Variants in TRIP11 observed in about 807,000 individuals in gnomAD.
TRIP11 encodes thyroid hormone receptor interactor 11.
In TRIP11, 148 loss-of-function variants were observed where a neutral mutation model predicts 223.1. That is an observed-to-expected ratio of 0.66 (90% CI 0.58 to 0.76). The LOEUF is 0.76. TRIP11 is among the 30% of genes least tolerant of loss of function. The pLI is 0.00. For missense variants in TRIP11, 2,043 were observed against 2,222.0 expected (o/e 0.92, Z 1.62); for synonymous variants, 762 against 772.6 (o/e 0.99, Z 0.23).
Position 91,972,865 on chromosome 14 carries a change from A to C in TRIP11, c.5575-4T>G. On this transcript the variant is annotated splice_polypyrimidine_tract_variant and splice_region_variant and intron_variant, in intron 19 of 20. Coordinates refer to ENST00000267622, the MANE Select transcript of TRIP11 (RefSeq NM_004239.4). ...TAACAAAAAGTTCTGAAAAAGACTA[A>C]GAAAAAATATTTTGGTTATATTAGG... 2 of 1,608,848 alleles carry C rather than the reference A, an allele frequency of 1.2e-6. 1 individual carries two copies. Among genetic ancestry groups the C allele is most frequent in the South Asian group, 2.2e-5 (2 of 90,666 alleles).
chr14:92,011,483 CAAAAAAAAAAAAA>C lies in TRIP11; in HGVS notation c.1227+259_1227+271del, dbSNP rs200967942. ...TGGGTGACAGAGCAAGACTCCGTCTCAAAAAAAAAAAAAAAAAAAAAAAAAAGAATGCAACACT... is the reference window on the plus strand; with the variant it reads ...TGGGTGACAGAGCAAGACTCCGTCTCAAAAAAAAAAAAAGAATGCAACACT... On this transcript the variant is annotated intron_variant, in intron 8 of 20. Coordinates refer to ENST00000267622, the MANE Select transcript of TRIP11 (RefSeq NM_004239.4). Among the ~76,000 whole-genome samples, 2,583 of 42,546 alleles carry C rather than the reference CAAAAAAAAAAAAA, an allele frequency of 0.061. 71 individuals carry two copies. The highest frequency in any genetic ancestry group is 0.31 in the South Asian group (371 of 1,212). The allele number at this position is 42,546 out of a possible 152,430, so 27.9% of individuals were successfully genotyped here. A position where few individuals can be genotyped will look rare whatever the true frequency, so the allele number is the denominator to read the frequency against.
rs1486810851 is a variant in TRIP11, at chr14:91,988,277, A to C, written c.5260+7T>G. On this transcript the variant is annotated splice_region_variant and intron_variant, in intron 16 of 20. Transcript: ENST00000267622. ...AGTGGGGGAAAAATGAAAAGAAAAA[A>C]ACCTACTTTGTCTTTTAAGTTCTTC... The C allele has an allele frequency of 3.1e-6, 5 of 1,601,990 alleles. No individual in the cohort carries two copies. The South Asian group carries it at 5.5e-5, about 18-fold the overall frequency.
rs750525362 is a variant in TRIP11, at chr14:91,995,393, G to A, written c.5015C>T (p.Ser1672Leu). 8 of 1,614,006 alleles carry A rather than the reference G, an allele frequency of 5.0e-6. No individual in the cohort carries two copies. Among genetic ancestry groups the A allele is most frequent in the Non-Finnish European group, 6.8e-6 (8 of 1,179,996 alleles). The change falls in exon 14 of 21, where the codon TCA (serine) becomes TTA (leucine). Residue 1672 changes from serine (S) to leucine (L), a missense_variant. By Grantham distance (145) the Ser-to-Leu change is moderately radical. Coordinates refer to ENST00000267622, the MANE Select transcript of TRIP11 (RefSeq NM_004239.4). ...SQEQVKQYAL[S>L]LANLQMVLEH... ...TAGTACCATCTGCAGGTTGGCCAGT[G>A]ACAGAGCATACTGCTTTACTTGTTC...
rs1355238562 is a variant in TRIP11, at chr14:91,967,524, C to G, written c.*2149G>C. The G allele has an allele frequency of 5.0e-6, 1 of 198,162 alleles. No homozygotes were observed. Among genetic ancestry groups the G allele is most frequent in the African/African-American group, 2.3e-5 (1 of 43,270 alleles). The allele number at this position is 198,162 out of a possible 1,614,324, so 12.3% of individuals were successfully genotyped here. ...GCTCTGTGATGTTTAGCTATGCAAT[C>G]CACCCACAACAGCTTTTAAACTTAC... On this transcript the variant is annotated 3_prime_UTR_variant, in exon 21 of 21. Transcript: ENST00000267622.
At chr14:92,024,234 C>T (rs1401592588) in intron 3 of TRIP11, among the ~76,000 whole-genome samples, 1 of 151,940 alleles carries the variant, frequency 6.6e-6, no homozygotes, top group Non-Finnish European at 1.5e-5. Flanking sequence ...AAAAATTAGC[C>T]AGGCGTGGTA....
intron 3 of TRIP11, among the ~76,000 whole-genome samples, chr14:92,022,678 AAGTAG>A (rs1224439869): frequency 2.0e-5 from 3 of 152,234 alleles, no homozygotes; most frequent in Non-Finnish European, 4.4e-5. Context: ...GTTTTCTATA[AAGTAG>A]AGTAGTCCAG....
In TRIP11 at chr14:91,974,723, G is replaced by A. The variant is rs769828661; in HGVS notation, c.5478C>T (p.Gly1826=). 10 of 1,611,852 alleles carry A rather than the reference G, an allele frequency of 6.2e-6. No homozygotes were observed. In the East Asian group the frequency reaches 8.9e-5, roughly 14 times the overall value. Residue 1826 remains glycine, a synonymous_variant, in exon 19 of 21, where the codon GGC becomes GGT. Transcript: ENST00000267622. ...ACCCAGTCATCCACCTGGTAACACCGCCCTGATCGTCATGAAACAACTGAA... is the reference window on the plus strand; with the variant it reads ...ACCCAGTCATCCACCTGGTAACACCACCCTGATCGTCATGAAACAACTGAA... ...EMEQLFHDDQ[G]GVTRWMTGWL...
chr14:91,986,134 A>G (rs1429259408), intron 16 of TRIP11, among the ~76,000 whole-genome samples: 5 of 152,238 alleles, frequency 3.3e-5, no homozygotes, highest in African/African-American at 1.2e-4. Context: ...TCTGTAGCTA[A>G]TATTGATTCC....
rs1053122944 is a variant in TRIP11, at chr14:91,992,378, C to T, written c.5160+1431G>A. ...AACTTCAAAGGATGAAGTTTTATTT[C>T]TTACACTGGGTGGTGACAGTGTGGG... is the stretch of plus-strand genomic sequence containing the variant. On this transcript the variant is annotated intron_variant, in intron 15 of 20. Transcript: ENST00000267622. 7.9e-5 allele frequency among the ~76,000 whole-genome samples: 12 copies of T among 152,212 alleles called. 1 individual carries two copies. Among genetic ancestry groups the T allele is most frequent in the South Asian group, 2.1e-4 (1 of 4,824 alleles).
chr14:92,006,352 TC>T lies in TRIP11; in HGVS notation c.1623del (p.Arg542GlufsTer16), dbSNP rs2056902761. The T allele has an allele frequency of 6.2e-7, 1 of 1,611,994 alleles. No individual in the cohort carries two copies. Among genetic ancestry groups the T allele is most frequent in the South Asian group, 1.1e-5 (1 of 90,630 alleles). ...TTATCATCTTCAAGTTGATGAACTC[TC>T]TTTTTTTCATCATTTAGATCTTGTT... ...KLKQDLNDEKKRVHQLEDDKM... is the reference protein window; with the variant it reads ...KLKQDLNDEKXRVHQLEDDKM... On this transcript the variant is annotated frameshift_variant, in exon 11 of 21. Transcript: ENST00000267622. LOFTEE classifies it high-confidence loss of function.
intron 13 of TRIP11, among the ~76,000 whole-genome samples, chr14:91,998,378 T>C (rs912543827): frequency 2.0e-5 from 3 of 152,172 alleles, no homozygotes; most frequent in Non-Finnish European, 4.4e-5. Context: ...CACTCAGTGA[T>C]TTTGAAAAGT....
chr14:92,034,550 G>A (rs948959325), intron 1 of TRIP11, among the ~76,000 whole-genome samples: 3 of 152,132 alleles, frequency 2.0e-5, no homozygotes, highest in East Asian at 1.9e-4. Context: ...ACCTATAAAC[G>A]AAGAAAAATA....
intron 13 of TRIP11, among the ~76,000 whole-genome samples, chr14:91,996,093 T>C (rs1020038348): frequency 6.6e-6 from 1 of 152,170 alleles, no homozygotes; most frequent in Non-Finnish European, 1.5e-5. Context: ...ACCACCACCA[T>C]CCATCTCCAG....
chr14:92,032,363 C>G (rs561539333), intron 2 of TRIP11, among the ~76,000 whole-genome samples: 63 of 151,976 alleles, frequency 4.1e-4, no homozygotes, highest in African/African-American at 1.5e-3. Context: ...GTTGTCCAGG[C>G]TTGTCTCAAA....
chr14:92,022,571 G>T (rs1272312260), intron 3 of TRIP11, among the ~76,000 whole-genome samples: 1 of 152,164 alleles, frequency 6.6e-6, no homozygotes, highest in African/African-American at 2.4e-5. Flanking sequence ...TAGCGCAAAA[G>T]AAATTATAAA....
rs771200141 is a variant in TRIP11 at position 92,015,842 on chromosome 14, C to T, written c.677G>A (p.Ser226Asn). Reference protein sequence around the residue: ...NIIKELKQNRSQEIDDHQHEM... With the variant: ...NIIKELKQNRNQEIDDHQHEM... ...ATGTTGATGGTCATCAATTTCCTGA[C>T]TTCGGTTCTGTTTTAGTTCCTTAAA... Residue 226 changes from serine to asparagine, a missense_variant, in exon 6 of 21, where the codon AGT (serine) becomes AAT (asparagine). Ser to Asn is a conservative substitution (Grantham distance 46, BLOSUM62 1). Transcript: ENST00000267622. The T allele has an allele frequency of 3.1e-5, 50 of 1,611,822 alleles. No homozygotes were observed. The highest frequency in any genetic ancestry group is 4.2e-5 in the Non-Finnish European group (49 of 1,179,608).
Position 92,003,981 on chromosome 14 carries a change from G to A in TRIP11, c.3995C>T (p.Ala1332Val). The change falls in exon 11 of 21, where the codon GCA (alanine) becomes GTA (valine). Residue 1332 changes from alanine to valine, a missense_variant. Coordinates refer to ENST00000267622, the MANE Select transcript of TRIP11 (RefSeq NM_004239.4). ...TTCACTCAATACTTCAGACTTACTT[G>A]CTCTAAGACACTCTGCAGACTGGGG... ...LTPQSAECLR[A>V]SKSEVLSESS... is the part of the protein sequence containing the mutation. 6.2e-7 allele frequency: 1 copy of A among 1,614,078 alleles called. No individual in the cohort carries two copies. Among genetic ancestry groups the A allele is most frequent in the Admixed American group, 1.7e-5 (1 of 60,012 alleles).
chr14:91,988,249 TGTA>T, intron 16 of TRIP11, 32 bp downstream of exon 16: 2 of 1,520,584 alleles, frequency 1.3e-6, no homozygotes, highest in South Asian at 1.1e-5. Context: ...ATATCAGTAT[TGTA>T]GTGGGGGAAA....
At chr14:91,977,248 T>G in intron 16 of TRIP11, 1 of 454,202 alleles carries the variant, frequency 2.2e-6, no homozygotes, top group South Asian at 1.6e-5. Context: ...CTTGATGATA[T>G]CTTTTGAAAC....
Sources: gnomAD v4.1 joint callset for allele counts (sites outside exome capture counted in the v4.1 genomes callset) on GRCh38, gnomAD v4.1.1 for gene constraint, MANE v1.5 for transcripts, NCBI Gene and HGNC (gene_info 2026-07-23, HGNC 2026-07-21) for gene names.